The following WASHC2C variants were observed in gnomAD, a reference collection of about 807,000 sequenced individuals.
WASHC2C encodes WASH complex subunit 2C, also known as Vaccinia Penetration Factor.
In WASHC2C, 73 loss-of-function variants were observed where a neutral mutation model predicts 142.2. The observed-to-expected ratio is 0.51, with a 90% CI of 0.43 to 0.62. The LOEUF (loss-of-function observed/expected upper bound fraction) is 0.62. Ranked by LOEUF, WASHC2C falls within the 20% of genes least tolerant of loss-of-function variation. The pLI is 0.00. For missense variants in WASHC2C, 969 were observed against 1,531.7 expected (o/e 0.63, Z 6.13); for synonymous variants, 337 against 565.5 (o/e 0.60, Z 5.73).
At position 45,777,095 on chromosome 10, in the gene WASHC2C, G is replaced by A. The variant is rs559508507; in HGVS notation, c.2143-178G>A. Among the ~76,000 whole-genome samples, 130 of 151,684 alleles carry A rather than the reference G, an allele frequency of 8.6e-4. 1 individual carries two copies. The highest frequency in any genetic ancestry group is 3.0e-3 in the African/African-American group (125 of 41,234). ...GTGAAGTGTCCTGTCCACAAGTCCC[G>A]GGTGGTGGTGTTTGTTGCTTCTCCC... On this transcript the variant is annotated intron_variant, in intron 21 of 30. Transcript: ENST00000623400.
At chr10:45,786,402 G>C (rs1255959282) in intron 26 of WASHC2C, 7 of 687,838 alleles carry the variant, frequency 1.0e-5, no homozygotes, top group African/African-American at 1.8e-5. Context: ...TATCTGATCT[G>C]GCAGCTTTCC....
chr10:45,752,102 A>G (rs1262841399), intron 11 of WASHC2C, among the ~76,000 whole-genome samples: 2 of 152,198 alleles, frequency 1.3e-5, no homozygotes, highest in Non-Finnish European at 2.9e-5. Context: ...GTCTTCCTAG[A>G]ATTCTTAGAA....
upstream of WASHC2C, chr10:45,727,114 A>C: frequency 7.1e-7 from 1 of 1,406,468 alleles, no homozygotes; most frequent in Non-Finnish European, 9.2e-7. Flanking sequence ...CTAGGGTAGA[A>C]CCCCAAACTC....
chr10:45,733,239 G>A (rs151004414), intron 3 of WASHC2C, among the ~76,000 whole-genome samples: 52 of 152,248 alleles, frequency 3.4e-4, no homozygotes, highest in Non-Finnish European at 6.8e-4. Context: ...TTGATGAGTT[G>A]GACCCTCCCA....
intron 23 of WASHC2C, among the ~76,000 whole-genome samples, chr10:45,780,524 T>G (rs1238615300): frequency 6.6e-6 from 1 of 151,980 alleles, no homozygotes; most frequent in Non-Finnish European, 1.5e-5. Context: ...GGTGAGAAAA[T>G]GAAATAAAAG....
chr10:45,751,749 G>T (rs1473754905), intron 11 of WASHC2C, among the ~76,000 whole-genome samples, 196 bp downstream of exon 11: 1 of 152,152 alleles, frequency 6.6e-6, no homozygotes, highest in Admixed American at 6.5e-5. Flanking sequence ...AGGCCGAGGC[G>T]GGTGGATCAT....
Position 45,728,887 on chromosome 10 carries a change from C to T in WASHC2C, c.152C>T (p.Ser51Leu), listed in dbSNP as rs782009777. 28 of 1,613,330 alleles carry T rather than the reference C, an allele frequency of 1.7e-5. No homozygotes were observed. In the South Asian group the frequency reaches 2.6e-4, roughly 15 times the overall value. Residue 51 changes from serine to leucine, a missense_variant, in exon 3 of 31, where the codon TCA (serine) becomes TTA (leucine). Transcript: ENST00000623400. ...AGLLQFLQEFSQQTISRTHEI... is the reference protein window; with the variant it reads ...AGLLQFLQEFLQQTISRTHEI... ...CTACTACAGTTTCTACAGGAATTCT[C>T]ACAGCAAACTATCTCTAGGACCCAT...
chr10:45,786,942 C>T, intron 27 of WASHC2C, 93 bp from the exon 28 acceptor site: 2 of 1,611,840 alleles, frequency 1.2e-6, no homozygotes, highest in South Asian at 2.2e-5. Context: ...TCGTATTATA[C>T]ATTATGTGTA....
At position 45,786,678 on chromosome 10, in the gene WASHC2C, A is replaced by G. The variant is rs1361661182; in HGVS notation, c.2874+4A>G. The G allele has an allele frequency of 3.1e-6, 5 of 1,611,756 alleles. No homozygotes were observed. Among genetic ancestry groups the G allele is most frequent in the Non-Finnish European group, 4.2e-6 (5 of 1,179,734 alleles). On this transcript the variant is annotated splice_donor_region_variant and intron_variant, in intron 27 of 30. Coordinates refer to ENST00000623400, the MANE Select transcript of WASHC2C (RefSeq NM_001330074.2). ...CACTCGGATCGGGAAGATACAAGTA[A>G]TTAAAACACTGGAATCTTCATTGCC...
chr10:45,728,217 TG>T (rs1175972647), intron 2 of WASHC2C, among the ~76,000 whole-genome samples: 3 of 152,106 alleles, frequency 2.0e-5, no homozygotes, highest in African/African-American at 7.2e-5. Context: ...TTAGTAGAGA[TG>T]GGGGTCTTGC....
At chr10:45,740,765 T>C (rs2051914045) in intron 5 of WASHC2C, among the ~76,000 whole-genome samples, 1 of 152,252 alleles carries the variant, frequency 6.6e-6, no homozygotes, top group Admixed American at 6.5e-5. Flanking sequence ...AGCATTCATG[T>C]CCAGGCTCCC....
intron 17 of WASHC2C, among the ~76,000 whole-genome samples, chr10:45,760,894 G>T (rs2054983080): frequency 6.6e-6 from 1 of 150,682 alleles, no homozygotes; most frequent in South Asian, 2.1e-4. Flanking sequence ...TTCCCTATTT[G>T]TATCCCTAAC....
intron 17 of WASHC2C, among the ~76,000 whole-genome samples, chr10:45,759,687 T>A (rs1473213369): frequency 2.0e-5 from 3 of 152,006 alleles, no homozygotes; most frequent in African/African-American, 7.3e-5. Context: ...GGTATGGTGG[T>A]GCGAGCCTGT....
At chr10:45,736,133 C>T (rs1554864543) in intron 3 of WASHC2C, among the ~76,000 whole-genome samples, 2 of 149,440 alleles carry the variant, frequency 1.3e-5, no homozygotes, top group East Asian at 1.9e-4. Flanking sequence ...GCAGGCCGGG[C>T]ATGGTGGCTC....
At chr10:45,739,397 C>T (rs1488033995) in intron 4 of WASHC2C, among the ~76,000 whole-genome samples, 4 of 148,716 alleles carry the variant, frequency 2.7e-5, no homozygotes, top group African/African-American at 1.0e-4. Context: ...GTATTTCTCA[C>T]AATGGCACAC....
chr10:45,762,778 C>T (rs1426342263), intron 17 of WASHC2C, among the ~76,000 whole-genome samples: 11 of 152,074 alleles, frequency 7.2e-5, no homozygotes, highest in East Asian at 5.8e-4. Flanking sequence ...TGGTGGCAGG[C>T]GCCTGTAGTC....
intron 19 of WASHC2C, among the ~76,000 whole-genome samples, chr10:45,766,609 A>T (rs1370841236): frequency 7.0e-6 from 1 of 143,442 alleles, no homozygotes; most frequent in Non-Finnish European, 1.5e-5. Flanking sequence ...ACTGTGTTTC[A>T]TTAATTTAGA....
At chr10:45,740,474 CTCT>C (rs2051865569) in intron 5 of WASHC2C, among the ~76,000 whole-genome samples, 2 of 152,274 alleles carry the variant, frequency 1.3e-5, no homozygotes, top group South Asian at 4.1e-4. Context: ...AGAGCATGGC[CTCT>C]ACTCTCGAGG....
intron 16 of WASHC2C, 27 bp from the exon 17 acceptor site, chr10:45,759,288 C>CCA: frequency 4.4e-6 from 2 of 450,742 alleles, no homozygotes. Flanking sequence ...TTTTTTCTTC[C>CCA]CCACCCCCCC....
Sources: gnomAD v4.1 joint callset for allele counts (sites outside exome capture counted in the v4.1 genomes callset) on GRCh38, gnomAD v4.1.1 for gene constraint, MANE v1.5 for transcripts, NCBI Gene and HGNC (gene_info 2026-07-23, HGNC 2026-07-21) for gene names.